Variants in GRIK2 observed in about 807,000 individuals in gnomAD.
The protein encoded by GRIK2 is glutamate receptor ionotropic, kainate 2.
GRIK2 carries 32 observed loss-of-function variants against 100.3 expected under a neutral mutation model. That is an observed-to-expected ratio of 0.32 (90% CI 0.24 to 0.43). The LOEUF (loss-of-function observed/expected upper bound fraction) is 0.43, where lower values mean the gene tolerates loss of function less well. GRIK2 is among the 20% of genes least tolerant of loss of function. The pLI is 1.00. For missense variants in GRIK2, 843 were observed against 1,114.9 expected (o/e 0.76, Z 3.47); for synonymous variants, 417 against 389.4 (o/e 1.07, Z -0.83).
intron 12 of GRIK2, among the ~76,000 whole-genome samples, chr6:101,892,514 T>C (rs1787173533): frequency 6.6e-6 from 1 of 151,842 alleles, no homozygotes; most frequent in Non-Finnish European, 1.5e-5. Context: ...AGTCAGCTAA[T>C]GTACCAGTTT....
At chr6:101,930,435 G>T (rs762268647) in intron 14 of GRIK2, among the ~76,000 whole-genome samples, 4 of 152,016 alleles carry the variant, frequency 2.6e-5, no homozygotes, top group Non-Finnish European at 5.9e-5. Context: ...AAGTGAATGC[G>T]TGATGCATTT....
intron 14 of GRIK2, among the ~76,000 whole-genome samples, chr6:101,989,648 C>G (rs1429879494): frequency 6.6e-6 from 1 of 151,384 alleles, no homozygotes; most frequent in African/African-American, 2.4e-5. Flanking sequence ...ACTCACAGAC[C>G]TTTATTTATT....
intron 7 of GRIK2, among the ~76,000 whole-genome samples, chr6:101,738,310 C>CATGTATAT (rs1775807535): frequency 2.0e-5 from 3 of 151,578 alleles, no homozygotes; most frequent in Admixed American, 2.0e-4. Context: ...TTGTCAACTA[C>CATGTATAT]ATGTATATAT....
intron 14 of GRIK2, among the ~76,000 whole-genome samples, chr6:101,943,076 AGGACAT>A (rs1181600684): frequency 6.6e-6 from 1 of 152,144 alleles, no homozygotes; most frequent in Non-Finnish European, 1.5e-5. Flanking sequence ...GTGCAGCCTC[AGGACAT>A]GGCACCCTGA....
At chr6:101,480,783 C>T (rs546520107) in intron 2 of GRIK2, among the ~76,000 whole-genome samples, 1 of 152,226 alleles carries the variant, frequency 6.6e-6, no homozygotes, top group South Asian at 2.1e-4. Context: ...GCCTCTTCTT[C>T]AGTCTTCTTT....
At chr6:101,881,053 T>C (rs947017090) in intron 11 of GRIK2, among the ~76,000 whole-genome samples, 1 of 151,892 alleles carries the variant, frequency 6.6e-6, no homozygotes, top group Non-Finnish European at 1.5e-5. Context: ...CTCTACAAAC[T>C]TAGGCCAAAT....
At chr6:101,709,925 C>A (rs1456781243) in intron 7 of GRIK2, among the ~76,000 whole-genome samples, 1 of 151,766 alleles carries the variant, frequency 6.6e-6, no homozygotes, top group Non-Finnish European at 1.5e-5. Flanking sequence ...GCCTTTCTCT[C>A]ATAGGGGTTT....
intron 7 of GRIK2, among the ~76,000 whole-genome samples, chr6:101,795,791 G>A (rs1034715988): frequency 6.6e-6 from 1 of 152,186 alleles, no homozygotes; most frequent in African/African-American, 2.4e-5. Context: ...TAGTGCCAGG[G>A]GTGTGGGCCT....
intron 2 of GRIK2, among the ~76,000 whole-genome samples, chr6:101,447,515 T>C (rs1291935659): frequency 3.3e-5 from 5 of 151,748 alleles, no homozygotes; most frequent in African/African-American, 1.2e-4. Context: ...CAGCCAGTTA[T>C]TGGTTACCTA....
chr6:101,883,501 A>C (rs1371100218), intron 11 of GRIK2, among the ~76,000 whole-genome samples: 1 of 152,040 alleles, frequency 6.6e-6, no homozygotes, highest in Non-Finnish European at 1.5e-5. Context: ...CTAATAGAAA[A>C]AGACTGACAA....
At chr6:101,408,833 C>T (rs751899023) in intron 2 of GRIK2, among the ~76,000 whole-genome samples, 1 of 152,000 alleles carries the variant, frequency 6.6e-6, no homozygotes, top group South Asian at 2.1e-4. Flanking sequence ...CCATTAGGCA[C>T]CCACGGCCTA....
At chr6:101,451,392 CA>C (rs1770671282) in intron 2 of GRIK2, among the ~76,000 whole-genome samples, 1 of 151,624 alleles carries the variant, frequency 6.6e-6, no homozygotes, top group Admixed American at 6.6e-5. Context: ...TCTTTGAAGA[CA>C]GGGGCCGTAT....
chr6:101,407,939 G>A (rs936871062), intron 2 of GRIK2, among the ~76,000 whole-genome samples: 2 of 152,158 alleles, frequency 1.3e-5, no homozygotes, highest in Admixed American at 1.3e-4. Context: ...GTGGTAGAAA[G>A]AAGGGGGAAA....
intron 2 of GRIK2, among the ~76,000 whole-genome samples, chr6:101,435,555 G>A (rs1023466618): frequency 2.0e-5 from 3 of 151,932 alleles, no homozygotes; most frequent in African/African-American, 4.8e-5. Context: ...ACATCTCCAG[G>A]CGTCTCCCTT....
chr6:101,825,192 C>T (rs1782239390), intron 10 of GRIK2, among the ~76,000 whole-genome samples: 1 of 152,284 alleles, frequency 6.6e-6, no homozygotes, highest in Non-Finnish European at 1.5e-5. Flanking sequence ...GTGACTCATT[C>T]AAACTAAAGT....
At chr6:101,751,136 A>T (rs1776760899) in intron 7 of GRIK2, among the ~76,000 whole-genome samples, 3 of 152,102 alleles carry the variant, frequency 2.0e-5, no homozygotes, top group Admixed American at 6.5e-5. Flanking sequence ...TGGGGGTCCC[A>T]CTATGTTATC....
At chr6:102,032,019 G>T (rs1201465449) in intron 14 of GRIK2, among the ~76,000 whole-genome samples, 1 of 151,316 alleles carries the variant, frequency 6.6e-6, no homozygotes, top group African/African-American at 2.4e-5. Context: ...TTTTAAGGGT[G>T]AAAGAGCTTT....
intron 4 of GRIK2, among the ~76,000 whole-genome samples, chr6:101,669,632 T>C (rs1266698548): frequency 2.0e-5 from 3 of 152,154 alleles, no homozygotes; most frequent in African/African-American, 7.2e-5. Flanking sequence ...GAAATAAATA[T>C]ATAGCCAATA....
intron 4 of GRIK2, among the ~76,000 whole-genome samples, chr6:101,647,555 A>T (rs991999969): frequency 6.6e-6 from 1 of 152,008 alleles, no homozygotes; most frequent in Non-Finnish European, 1.5e-5. Flanking sequence ...ACAAGCAGAG[A>T]TGAGTAAATG....
Sources: gnomAD v4.1 joint callset for allele counts (sites outside exome capture counted in the v4.1 genomes callset) on GRCh38, gnomAD v4.1.1 for gene constraint, MANE v1.5 for transcripts, NCBI Gene and HGNC (gene_info 2026-07-23, HGNC 2026-07-21) for gene names.